The following HDAC4 variants were observed in gnomAD, a reference collection of about 807,000 sequenced individuals.
HDAC4 encodes the protein histone deacetylase 4, also known as histone deacetylase A.
HDAC4 carries 16 observed loss-of-function variants against 135.1 expected under a neutral mutation model. The ratio of observed to expected loss-of-function variants is 0.12; its 90% CI spans 0.08 to 0.18. The LOEUF is 0.18. Ranked by LOEUF, HDAC4 falls within the 10% of genes least tolerant of loss-of-function variation. The pLI is 1.00. For synonymous variants in HDAC4, 685 were observed against 653.4 expected (o/e 1.05, Z -0.74); for missense variants, 1,143 against 1,511.8 (o/e 0.76, Z 4.05).
rs376289781 is a variant in HDAC4 at position 239,236,664 on chromosome 2, T to C, written c.23A>G (p.Asp8Gly). 1 of 1,551,480 alleles carries C rather than the reference T, an allele frequency of 6.4e-7. No homozygotes were observed. The highest frequency in any genetic ancestry group is 2.0e-5 in the Admixed American group (1 of 50,998). Residue 8 changes from aspartate to glycine, a missense_variant and splice_region_variant, in exon 3 of 27, where the codon GAT becomes GGT. Asp to Gly is a moderately conservative substitution (Grantham distance 94, BLOSUM62 -1). Around this residue, in one of 9 missense-constraint regions of HDAC4, gnomAD observed 247 missense variants for 310.0 expected, o/e 0.80. Transcript: ENST00000543185. MSSQSHPDGLSGRDQPVE... is the reference protein window; with the variant it reads MSSQSHPGGLSGRDQPVE... ...TGGCTGGTCTCGGCCAGAAAGTCCA[T>C]CTGGAGAACAGAGAAGGCACTGGCT...
chr2:239,299,938 G>C lies in HDAC4; in HGVS notation c.22+52740C>G, dbSNP rs74435738. On this transcript the variant is annotated intron_variant, in intron 2 of 26. Coordinates refer to ENST00000543185, the MANE Select transcript of HDAC4 (RefSeq NM_001378414.1). The surrounding 1 kb of genome is among the most constrained non-coding windows in gnomAD (Gnocchi z 4.0). ...GGAGACAGGGGAGACAGAGAAGGAA[G>C]AGGGGTCCCATCAGAGGACTCCCTG... 6.6e-6 allele frequency among the ~76,000 whole-genome samples: 1 copy of C among 152,202 alleles called. No individual in the cohort carries two copies. Among genetic ancestry groups the C allele is most frequent in the Non-Finnish European group, 1.5e-5 (1 of 68,040 alleles).
At chr2:239,350,377 C>T (rs937411478) in intron 2 of HDAC4, among the ~76,000 whole-genome samples, 9 of 151,552 alleles carry the variant, frequency 5.9e-5, no homozygotes, top group African/African-American at 1.9e-4. Context: ...TCCAAGAAAT[C>T]GAGCAGACAG....
chr2:239,058,049 T>G (rs190987126), intron 24 of HDAC4, among the ~76,000 whole-genome samples: 1 of 152,328 alleles, frequency 6.6e-6, no homozygotes, highest in African/African-American at 2.4e-5. Flanking sequence ...TAAATTTCAG[T>G]GTCTGATAAA....
intron 6 of HDAC4, chr2:239,161,852 TCTCAGCACGTCC>T (rs1246499737): frequency 2.1e-5 from 8 of 378,560 alleles, no homozygotes; most frequent in Non-Finnish European, 3.6e-5. Flanking sequence ...ATCTCCCGTC[TCTCAGCACGTCC>T]CTCAGCGCCC....
intron 2 of HDAC4, among the ~76,000 whole-genome samples, chr2:239,321,422 G>A (rs1385308115): frequency 1.6e-5 from 2 of 123,062 alleles, no homozygotes; most frequent in South Asian, 2.8e-4. Context: ...CCGAGATAGC[G>A]CCACTGCACT....
At chr2:239,374,287 C>T (rs143718166) in intron 1 of HDAC4, among the ~76,000 whole-genome samples, 4 of 150,504 alleles carry the variant, frequency 2.7e-5, no homozygotes, top group Admixed American at 1.3e-4. Context: ...AAGGAAAACA[C>T]AGGTCAGAGG....
intron 7 of HDAC4, 127 bp from the exon 8 acceptor site, chr2:239,144,841 A>AG (rs2152918282): frequency 1.1e-6 from 1 of 940,322 alleles, no homozygotes; most frequent in East Asian, 2.5e-5. Flanking sequence ...GTGTTGCTGC[A>AG]GGGGAGAGCG....
At chr2:239,143,383 C>T (rs1032190148) in intron 8 of HDAC4, among the ~76,000 whole-genome samples, 6 of 152,206 alleles carry the variant, frequency 3.9e-5, no homozygotes, top group South Asian at 2.1e-4. Flanking sequence ...CATGATTCCT[C>T]GTTTCAACTG....
chr2:239,375,210 C>T (rs1329340182), intron 1 of HDAC4, among the ~76,000 whole-genome samples: 3 of 152,206 alleles, frequency 2.0e-5, no homozygotes, highest in Non-Finnish European at 2.9e-5. Flanking sequence ...AGGAAGAAGT[C>T]AGCAGAGCCA....
chr2:239,132,350 G>C lies in HDAC4; in HGVS notation c.1294+1895C>G, dbSNP rs549383123. Among the ~76,000 whole-genome samples the C allele has an allele frequency of 2.6e-5, 4 of 152,356 alleles. No individual in the cohort carries two copies. In the South Asian group the frequency reaches 8.3e-4, roughly 32 times the overall value. ...GCACTACGCTGCACACGTGACACTG[G>C]CTCCGAGGCTCCCTGCCAGGGGGTT... On this transcript the variant is annotated intron_variant, in intron 11 of 26. Coordinates refer to ENST00000543185, the MANE Select transcript of HDAC4 (RefSeq NM_001378414.1).
chr2:239,163,695 C>G, intron 6 of HDAC4, 108 bp downstream of exon 6: 1 of 1,184,164 alleles, frequency 8.4e-7, no homozygotes, highest in South Asian at 1.2e-5. Flanking sequence ...CCTCACCCTC[C>G]TTCCCTGCCT....
chr2:239,123,249 A>G (rs2039846275), intron 12 of HDAC4, among the ~76,000 whole-genome samples: 2 of 152,232 alleles, frequency 1.3e-5, no homozygotes, highest in African/African-American at 2.4e-5. Context: ...TGCTTTTGAC[A>G]CCTGGGAGTA....
chr2:239,203,534 C>T (rs1473365673), intron 3 of HDAC4, among the ~76,000 whole-genome samples: 1 of 152,188 alleles, frequency 6.6e-6, no homozygotes, highest in Non-Finnish European at 1.5e-5. Context: ...CCTGTGGTCT[C>T]GAAGCTGAAC....
At chr2:239,334,662 T>C (rs1393039573) in intron 2 of HDAC4, among the ~76,000 whole-genome samples, 2 of 152,196 alleles carry the variant, frequency 1.3e-5, no homozygotes, top group Non-Finnish European at 2.9e-5. Flanking sequence ...TGATTTCATA[T>C]GCAAATCAGT....
chr2:239,173,812 T>C (rs972636053), intron 5 of HDAC4, among the ~76,000 whole-genome samples: 3 of 152,226 alleles, frequency 2.0e-5, no homozygotes, highest in African/African-American at 4.8e-5. Context: ...ACAGGGTTGC[T>C]GGACACAAAG....
chr2:239,263,056 G>A (rs912968481), intron 2 of HDAC4, among the ~76,000 whole-genome samples: 2 of 152,172 alleles, frequency 1.3e-5, no homozygotes, highest in African/African-American at 4.8e-5. Flanking sequence ...AAACACTCGG[G>A]ACCAAGAGAA....
At chr2:239,200,978 C>A (rs754940121) in intron 3 of HDAC4, among the ~76,000 whole-genome samples, 2 of 152,180 alleles carry the variant, frequency 1.3e-5, no homozygotes, top group Non-Finnish European at 2.9e-5. Context: ...AGGGCCCACA[C>A]AGGAAACTTC....
chr2:239,209,399 T>C (rs937658003), intron 3 of HDAC4, among the ~76,000 whole-genome samples: 2 of 152,198 alleles, frequency 1.3e-5, no homozygotes, highest in African/African-American at 4.8e-5. Context: ...TGCAGGTCCT[T>C]TGCAGATTAC....
chr2:239,130,657 C>T (rs573611697), intron 11 of HDAC4, among the ~76,000 whole-genome samples: 13 of 152,304 alleles, frequency 8.5e-5, no homozygotes, highest in South Asian at 4.1e-4. Flanking sequence ...CTTCCCTCTC[C>T]GCCTGCAAGC....
Sources: gnomAD v4.1 joint callset for allele counts (sites outside exome capture counted in the v4.1 genomes callset) on GRCh38, gnomAD v4.1.1 for gene constraint, gnomAD v4.1.1 regional missense constraint, Gnocchi (gnomAD v3.1) non-coding constraint, MANE v1.5 for transcripts, NCBI Gene and HGNC (gene_info 2026-07-23, HGNC 2026-07-21) for gene names.